The following CSNK2A2IP variants were observed in gnomAD, a reference collection of about 807,000 sequenced individuals.
CSNK2A2IP encodes casein kinase 2 subunit alpha' interacting protein, also known as casein kinase II subunit alpha'-interacting protein.
the CSNK2A2IP span, among the ~76,000 whole-genome samples, chr3:88,363,364 C>T: frequency 3.3e-5 from 5 of 152,110 alleles, no homozygotes; most frequent in South Asian, 2.1e-4. Context: ...TCCCTTCAGT[C>T]GTAAAGTTCT....
chr3:88,453,683 A>G, the CSNK2A2IP span, among the ~76,000 whole-genome samples: 2 of 152,022 alleles, frequency 1.3e-5, no homozygotes, highest in Non-Finnish European at 2.9e-5. Flanking sequence ...TTGAAACATT[A>G]GCTGAGTTTG....
the CSNK2A2IP span, among the ~76,000 whole-genome samples, chr3:88,375,582 C>T: frequency 6.6e-6 from 1 of 151,524 alleles, no homozygotes; most frequent in African/African-American, 2.4e-5. Context: ...GTGTTGATAC[C>T]CCTTCAAATG....
chr3:88,381,090 G>A, the CSNK2A2IP span, among the ~76,000 whole-genome samples: 1 of 152,162 alleles, frequency 6.6e-6, no homozygotes, highest in African/African-American at 2.4e-5. Flanking sequence ...CCCTGAAGCA[G>A]GGAAAAACCT....
At chr3:88,359,854 A>G in the CSNK2A2IP span, among the ~76,000 whole-genome samples, 3 of 152,246 alleles carry the variant, frequency 2.0e-5, no homozygotes, top group East Asian at 5.8e-4. Context: ...GTTGGATGAA[A>G]TATTCTGTGA....
chr3:88,383,283 T>TG, the CSNK2A2IP span, among the ~76,000 whole-genome samples: 10 of 152,206 alleles, frequency 6.6e-5, no homozygotes, highest in Non-Finnish European at 1.5e-4. Flanking sequence ...TTATGGACAT[T>TG]GGAGTTGGGC....
the CSNK2A2IP span, among the ~76,000 whole-genome samples, chr3:88,433,945 T>A: frequency 6.6e-6 from 1 of 152,206 alleles, no homozygotes; most frequent in Admixed American, 6.5e-5. Context: ...GGACTGGTCA[T>A]TTACTCTTGT....
the CSNK2A2IP span, among the ~76,000 whole-genome samples, chr3:88,344,345 C>T: frequency 6.6e-6 from 1 of 151,758 alleles, no homozygotes; most frequent in African/African-American, 2.4e-5. Flanking sequence ...TCTTTTATTT[C>T]CTCCATATGT....
the CSNK2A2IP span, among the ~76,000 whole-genome samples, chr3:88,414,270 G>GTTTTTT: frequency 8.1e-4 from 52 of 64,100 alleles, 5 homozygotes; most frequent in African/African-American, 2.9e-3. Context: ...TACCAACAAA[G>GTTTTTT]TTTTTTTTTT....
chr3:88,442,148 A>G, the CSNK2A2IP span, among the ~76,000 whole-genome samples: 1 of 152,194 alleles, frequency 6.6e-6, no homozygotes. Context: ...TATAAGACAC[A>G]CATGCACACA....
chr3:88,456,645 C>T, the CSNK2A2IP span, among the ~76,000 whole-genome samples: 9 of 123,746 alleles, frequency 7.3e-5, no homozygotes, highest in Non-Finnish European at 3.4e-5. Flanking sequence ...GACAATTTTA[C>T]TTCTTCCTTT....
the CSNK2A2IP span, among the ~76,000 whole-genome samples, chr3:88,421,904 G>T: frequency 6.6e-6 from 1 of 151,862 alleles, no homozygotes; most frequent in East Asian, 1.9e-4. Context: ...TCTTCAAAGG[G>T]TCTACACGCT....
chr3:88,356,652 C>T, the CSNK2A2IP span, among the ~76,000 whole-genome samples: 1 of 151,990 alleles, frequency 6.6e-6, no homozygotes, highest in Non-Finnish European at 1.5e-5. Flanking sequence ...TCTATTTTTA[C>T]TTTTTTGAGG....
the CSNK2A2IP span, among the ~76,000 whole-genome samples, chr3:88,407,613 T>G: frequency 6.6e-6 from 1 of 152,216 alleles, no homozygotes; most frequent in Admixed American, 6.5e-5. Context: ...AACACACATT[T>G]TACTTTTTTA....
At chr3:88,357,124 C>T in the CSNK2A2IP span, among the ~76,000 whole-genome samples, 4 of 151,870 alleles carry the variant, frequency 2.6e-5, no homozygotes, top group Non-Finnish European at 5.9e-5. Flanking sequence ...TTTGTGATCT[C>T]ATTATCTATT....
chr3:88,438,128 AT>A, the CSNK2A2IP span, among the ~76,000 whole-genome samples: 55,357 of 151,936 alleles, frequency 0.36, 11,234 homozygotes, highest in Non-Finnish European at 0.47. Flanking sequence ...AAATTTACAG[AT>A]TTCTATCAGA....
the CSNK2A2IP span, among the ~76,000 whole-genome samples, chr3:88,354,185 C>T: frequency 1.3e-5 from 2 of 152,150 alleles, no homozygotes; most frequent in South Asian, 2.1e-4. Context: ...TGCAGAACTG[C>T]GAACTAAATA....
the CSNK2A2IP span, among the ~76,000 whole-genome samples, chr3:88,358,813 C>T: frequency 6.6e-6 from 1 of 152,010 alleles, no homozygotes; most frequent in Non-Finnish European, 1.5e-5. Flanking sequence ...TTGTGTCTGT[C>T]TGATTTTGGT....
At chr3:88,360,595 G>GTAA in the CSNK2A2IP span, among the ~76,000 whole-genome samples, 2 of 151,976 alleles carry the variant, frequency 1.3e-5, no homozygotes, top group Non-Finnish European at 2.9e-5. Flanking sequence ...GCATGTAGTC[G>GTAA]GATCTTGTTT....
At chr3:88,408,820 A>T in the CSNK2A2IP span, among the ~76,000 whole-genome samples, 1 of 151,458 alleles carries the variant, frequency 6.6e-6, no homozygotes, top group Non-Finnish European at 1.5e-5. Context: ...TAACTGGGGG[A>T]TTCCCTTTTG....
Sources: gnomAD v4.1 joint callset for allele counts (sites outside exome capture counted in the v4.1 genomes callset) on GRCh38, gnomAD v4.1.1 for gene constraint, MANE v1.5 for transcripts, NCBI Gene and HGNC (gene_info 2026-07-23, HGNC 2026-07-21) for gene names.